The following ARHGEF10L variants were observed in gnomAD, a reference collection of about 807,000 sequenced individuals.
ARHGEF10L encodes Rho guanine nucleotide exchange factor 10 like, also known as rho guanine nucleotide exchange factor 10-like protein.
In ARHGEF10L, 69 loss-of-function variants were observed where a neutral mutation model predicts 141.2. That is an observed-to-expected ratio of 0.49 (90% confidence interval 0.40 to 0.60). ARHGEF10L has a LOEUF of 0.60. ARHGEF10L is among the 20% of genes least tolerant of loss of function. ARHGEF10L has a pLI of 0.00. For missense variants in ARHGEF10L, 1,482 were observed against 1,734.3 expected, an observed-to-expected ratio of 0.85 and a Z score of 2.58; for synonymous variants, 711 against 718.5, an observed-to-expected ratio of 0.99 and a Z score of 0.17.
rs566868359 is a variant in ARHGEF10L, at chr1:17,617,042, A to G, written c.835+840A>G. ...AGCAGATGAGGGAATAGGCACAGAGAGGTTGTGTCAGGGCTGAGGACACAC... is the reference window on the plus strand; with the variant it reads ...AGCAGATGAGGGAATAGGCACAGAGGGGTTGTGTCAGGGCTGAGGACACAC... On this transcript the variant is annotated intron_variant, in intron 9 of 28. Coordinates refer to ENST00000361221, the MANE Select transcript of ARHGEF10L (RefSeq NM_018125.4). Among the ~76,000 whole-genome samples the G allele has an allele frequency of 8.0e-4, 122 of 152,242 alleles. No individual in the cohort carries two copies. The Middle Eastern group carries it at 0.02, about 25-fold the overall frequency.
At chr1:17,612,986 T>G in intron 7 of ARHGEF10L, 72 bp from the exon 8 acceptor site, 1 of 1,028,990 alleles carries the variant, frequency 9.7e-7, no homozygotes, top group Non-Finnish European at 1.5e-6. Flanking sequence ...CTGTTGTCTG[T>G]GTTTTGTCTC....
chr1:17,519,864 G>A, the ARHGEF10L span, among the ~76,000 whole-genome samples: 17 of 152,032 alleles, frequency 1.1e-4, no homozygotes, highest in Non-Finnish European at 2.5e-4. Flanking sequence ...AGAGGAAACT[G>A]AGGCTCAGAG....
At chr1:17,646,991 C>A (rs1439488056) in intron 21 of ARHGEF10L, among the ~76,000 whole-genome samples, 5 of 152,026 alleles carry the variant, frequency 3.3e-5, no homozygotes, top group African/African-American at 9.7e-5. Context: ...ATGGGCCTGG[C>A]TGCCGAGCAA....
chr1:17,620,302 C>T (rs892387650), intron 10 of ARHGEF10L, among the ~76,000 whole-genome samples: 3 of 151,930 alleles, frequency 2.0e-5, no homozygotes, highest in Non-Finnish European at 2.9e-5. Context: ...GTTGTCCCTT[C>T]GCTATCTGTG....
At chr1:17,622,696 G>A (rs1261397057) in intron 11 of ARHGEF10L, among the ~76,000 whole-genome samples, 2 of 152,184 alleles carry the variant, frequency 1.3e-5, no homozygotes, top group African/African-American at 4.8e-5. Context: ...CTCAGTGACA[G>A]GCAGAGCTTC....
At chr1:17,628,080 G>A (rs909080185) in intron 15 of ARHGEF10L, among the ~76,000 whole-genome samples, 27 of 151,798 alleles carry the variant, frequency 1.8e-4, no homozygotes, top group African/African-American at 5.3e-4. Flanking sequence ...GCTCACGCCT[G>A]TAGTCCCAGC....
chr1:17,658,479 G>C (rs1005559640), intron 25 of ARHGEF10L, among the ~76,000 whole-genome samples: 2 of 152,132 alleles, frequency 1.3e-5, no homozygotes, highest in Non-Finnish European at 2.9e-5. Flanking sequence ...AGCTGAACCT[G>C]CACCCAGTAC....
chr1:17,686,019 C>T (rs1481016755), intron 26 of ARHGEF10L, among the ~76,000 whole-genome samples: 1 of 152,168 alleles, frequency 6.6e-6, no homozygotes, highest in African/African-American at 2.4e-5. Flanking sequence ...GGGTGCAGCT[C>T]TTCCTCCCCT....
chr1:17,599,585 C>T (rs546668184), intron 4 of ARHGEF10L, among the ~76,000 whole-genome samples: 9 of 152,124 alleles, frequency 5.9e-5, no homozygotes, highest in East Asian at 5.8e-4. Flanking sequence ...GAGGAGGTGG[C>T]GGCTCAGCGA....
intron 15 of ARHGEF10L, 148 bp from the exon 16 acceptor site, chr1:17,632,173 C>A: frequency 1.0e-6 from 1 of 979,342 alleles, no homozygotes; most frequent in South Asian, 1.5e-5. Flanking sequence ...TGCATCTTGT[C>A]ACCCAGGGAT....
intron 25 of ARHGEF10L, among the ~76,000 whole-genome samples, chr1:17,663,589 C>T (rs2062781080): frequency 6.6e-6 from 1 of 151,788 alleles, no homozygotes. Context: ...AACCACCCTC[C>T]ACCTCACCTG....
chr1:17,558,682 C>T lies in ARHGEF10L; in HGVS notation c.-44+18732C>T, dbSNP rs1264023153. On this transcript the variant is annotated intron_variant, in intron 1 of 28. Coordinates refer to ENST00000361221, the MANE Select transcript of ARHGEF10L (RefSeq NM_018125.4). The surrounding 1 kb of genome is among the most constrained non-coding windows in gnomAD (Gnocchi z 4.2). ...TTTCCTCTTTTGACACTCAGGTTCT[C>T]TTTGGTTTTGCAAGTGGTCCCACGA... Among the ~76,000 whole-genome samples the T allele has an allele frequency of 1.3e-5, 2 of 152,188 alleles. No homozygotes were observed. Among genetic ancestry groups the T allele is most frequent in the African/African-American group, 4.8e-5 (2 of 41,438 alleles).
rs76258261 is a variant in ARHGEF10L at position 17,658,261 on chromosome 1, G to C, written c.2860+1553G>C. The stretch of plus-strand genomic sequence containing the variant: ...CTGCAATGACCTTACTTCCCAAGGA[G>C]GTCATATTCTGAGGTACTGGGGGCT... On this transcript the variant is annotated intron_variant, in intron 25 of 28. Transcript: ENST00000361221. 4.3e-3 allele frequency among the ~76,000 whole-genome samples: 659 copies of C among 152,302 alleles called. 6 individuals are homozygous for C. The highest frequency in any genetic ancestry group is 0.015 in the African/African-American group (618 of 41,554).
intron 1 of ARHGEF10L, among the ~76,000 whole-genome samples, chr1:17,546,556 G>A (rs929529474): frequency 6.6e-6 from 1 of 152,156 alleles, no homozygotes; most frequent in Non-Finnish European, 1.5e-5. Flanking sequence ...TTTGAACCCG[G>A]CAGGCCCTGA....
rs769872503 is a variant in ARHGEF10L at position 17,640,267 on chromosome 1, G to C, written c.2237G>C (p.Trp746Ser). The change falls in exon 21 of 29, where the codon TGG (tryptophan) becomes TCG (serine). Residue 746 changes from tryptophan (W) to serine (S), a missense_variant. Physicochemically the swap from Trp to Ser is radical, Grantham distance 177. Transcript: ENST00000361221. ...CCCAACCCCCTGAGCAAGATTTCCT[G>C]GGTCAACAGGTTACATTTGGCCAAA... ...ITPNPLSKIS[W>S]VNRLHLAKIG... 1 of 1,613,316 alleles carries C rather than the reference G, an allele frequency of 6.2e-7. No homozygotes were observed. Among genetic ancestry groups the C allele is most frequent in the African/African-American group, 1.3e-5 (1 of 75,002 alleles).
the ARHGEF10L span, among the ~76,000 whole-genome samples, chr1:17,515,464 T>C: frequency 6.6e-6 from 1 of 151,726 alleles, no homozygotes; most frequent in Non-Finnish European, 1.5e-5. Flanking sequence ...TGGCTAATTT[T>C]TGTATTTTTA....
chr1:17,630,409 T>C (rs2060613307), intron 15 of ARHGEF10L, among the ~76,000 whole-genome samples: 1 of 152,240 alleles, frequency 6.6e-6, no homozygotes. Flanking sequence ...TGGCAGCCCT[T>C]GGGGCGGGGG....
At chr1:17,617,591 G>C (rs763150755) in intron 9 of ARHGEF10L, among the ~76,000 whole-genome samples, 1 of 152,254 alleles carries the variant, frequency 6.6e-6, no homozygotes. Flanking sequence ...GTTCTCTTTG[G>C]AAGGAAGGAG....
chr1:17,665,989 T>C (rs1366213771), intron 26 of ARHGEF10L, among the ~76,000 whole-genome samples: 1 of 152,050 alleles, frequency 6.6e-6, no homozygotes, highest in Non-Finnish European at 1.5e-5. Flanking sequence ...GATGCTTCAG[T>C]GTGATTCTGA....
Sources: gnomAD v4.1 joint callset for allele counts (sites outside exome capture counted in the v4.1 genomes callset) on GRCh38, gnomAD v4.1.1 for gene constraint, Gnocchi (gnomAD v3.1) non-coding constraint, MANE v1.5 for transcripts, NCBI Gene and HGNC (gene_info 2026-07-23, HGNC 2026-07-21) for gene names.